SLC14A2: variants seen among roughly 807,000 people sequenced by gnomAD.
SLC14A2 encodes solute carrier family 14 member 2, also known as urea transporter 2.
SLC14A2 carries 91 observed loss-of-function variants against 104.6 expected under a neutral mutation model. The ratio of observed to expected loss-of-function variants is 0.87; its 90% CI spans 0.73 to 1.04. SLC14A2 has a LOEUF of 1.04. Ranked by LOEUF, SLC14A2 falls within the 50% of genes least tolerant of loss-of-function variation. The pLI is 0.00. For missense variants in SLC14A2, 1,189 were observed against 1,156.0 expected, an observed-to-expected ratio of 1.03 and a Z score of -0.41; for synonymous variants, 476 against 466.4, an observed-to-expected ratio of 1.02 and a Z score of -0.27.
intron 1 of SLC14A2, among the ~76,000 whole-genome samples, chr18:45,409,213 G>A (rs1452383857): frequency 6.6e-6 from 1 of 152,198 alleles, no homozygotes; most frequent in African/African-American, 2.4e-5. Flanking sequence ...TTCTTAAAAT[G>A]TAGACATAAT....
intron 1 of SLC14A2, among the ~76,000 whole-genome samples, chr18:45,246,211 A>G (rs978548972): frequency 2.0e-5 from 3 of 152,214 alleles, no homozygotes; most frequent in African/African-American, 7.2e-5. Context: ...ACGTGAGAAC[A>G]CAATGAGAAG....
At chr18:45,450,551 G>A (rs935782614) in intron 1 of SLC14A2, among the ~76,000 whole-genome samples, 19 of 152,170 alleles carry the variant, frequency 1.2e-4, no homozygotes, top group Non-Finnish European at 2.4e-4. Context: ...TTAGTGAACA[G>A]AACCAGATGA....
At chr18:45,628,152 G>A (rs1404418799) in intron 4 of SLC14A2, among the ~76,000 whole-genome samples, 1 of 152,096 alleles carries the variant, frequency 6.6e-6, no homozygotes, top group Non-Finnish European at 1.5e-5. Context: ...TGGTTGTTAA[G>A]AAATAGTTTC....
At chr18:45,210,541 T>A (rs1343914364), upstream of SLC14A2, among the ~76,000 whole-genome samples, 1 of 152,350 alleles carries the variant, frequency 6.6e-6, no homozygotes, top group East Asian at 1.9e-4. Context: ...ATTGCTCCAC[T>A]GCACTCTAAC....
At chr18:45,517,209 G>T (rs1054295177) in intron 2 of SLC14A2, among the ~76,000 whole-genome samples, 5 of 152,190 alleles carry the variant, frequency 3.3e-5, no homozygotes, top group Non-Finnish European at 7.3e-5. Flanking sequence ...ATCTGCCTCT[G>T]GTTAGCTTAG....
At chr18:45,189,956 C>G in the SLC14A2 span, among the ~76,000 whole-genome samples, 2 of 152,180 alleles carry the variant, frequency 1.3e-5, no homozygotes, top group South Asian at 4.2e-4. Flanking sequence ...ACCTCTTGGC[C>G]CCAGAAGATT....
the SLC14A2 span, among the ~76,000 whole-genome samples, chr18:45,194,363 T>C: frequency 6.6e-6 from 1 of 152,212 alleles, no homozygotes; most frequent in Non-Finnish European, 1.5e-5. Flanking sequence ...GTTCAGAAAG[T>C]CCTCTTCTAT....
At chr18:45,357,041 G>A (rs2085561327) in intron 1 of SLC14A2, among the ~76,000 whole-genome samples, 1 of 152,124 alleles carries the variant, frequency 6.6e-6, no homozygotes, top group Non-Finnish European at 1.5e-5. Flanking sequence ...TGTTTAATTA[G>A]GGTTATATAC....
In SLC14A2 at chr18:45,378,102, G is replaced by A. The variant is rs536759440; in HGVS notation, c.-124-105131G>A. Reference sequence around the variant, plus strand: ...TCTATCTCCTTGTTTCTCCCCTAAGGCACTTAGATACTTTACTTTGAATTT... The same window carrying A: ...TCTATCTCCTTGTTTCTCCCCTAAGACACTTAGATACTTTACTTTGAATTT... On this transcript the variant is annotated intron_variant, in intron 1 of 20. Transcript: ENST00000586448. Among the ~76,000 whole-genome samples, 10 of 152,206 alleles carry A rather than the reference G, an allele frequency of 6.6e-5. 1 individual carries two copies. In the South Asian group the frequency reaches 1.9e-3, roughly 28 times the overall value.
intron 1 of SLC14A2, among the ~76,000 whole-genome samples, chr18:45,417,726 G>A (rs1312052029): frequency 6.6e-6 from 1 of 152,092 alleles, no homozygotes; most frequent in African/African-American, 2.4e-5. Context: ...CATCGTTATT[G>A]TTGATAATAA....
At chr18:45,457,870 G>T (rs2086971918) in intron 1 of SLC14A2, among the ~76,000 whole-genome samples, 1 of 152,144 alleles carries the variant, frequency 6.6e-6, no homozygotes, top group South Asian at 2.1e-4. Context: ...TACCCCCGGG[G>T]CTGGGGCGGT....
chr18:45,275,434 C>T (rs527410811), intron 1 of SLC14A2, among the ~76,000 whole-genome samples: 2 of 152,292 alleles, frequency 1.3e-5, no homozygotes, highest in Admixed American at 1.3e-4. Context: ...CAGTGTTACT[C>T]ACCTTCCTCT....
intron 1 of SLC14A2, among the ~76,000 whole-genome samples, chr18:45,333,369 G>T (rs1215328925): frequency 6.6e-6 from 1 of 152,176 alleles, no homozygotes; most frequent in African/African-American, 2.4e-5. Context: ...TATTATACTA[G>T]AAAAGAGATA....
chr18:45,256,312 C>G (rs1275413734), intron 1 of SLC14A2, among the ~76,000 whole-genome samples: 1 of 152,188 alleles, frequency 6.6e-6, no homozygotes. Context: ...ACAGGGCCAG[C>G]CCAAAGCTAA....
intron 1 of SLC14A2, among the ~76,000 whole-genome samples, chr18:45,482,231 C>A (rs2087507848): frequency 6.6e-6 from 1 of 152,022 alleles, no homozygotes; most frequent in African/African-American, 2.4e-5. Flanking sequence ...TTTATAATAG[C>A]AAAACAAAAT....
rs558567609 is a variant in SLC14A2 at position 45,682,899 on chromosome 18, C to T, written c.*380C>T. ...CACGAGGTCAGGAGATCGAGACCAT[C>T]CTGGCGAACATGGTGAGACCCCATC... On this transcript the variant is annotated 3_prime_UTR_variant, in exon 20 of 20. Coordinates refer to ENST00000255226, the MANE Select transcript of SLC14A2 (RefSeq NM_007163.4). The T allele has an allele frequency of 9.8e-5, 22 of 224,062 alleles. No individual in the cohort carries two copies. The highest frequency in any genetic ancestry group is 4.7e-4 in the African/African-American group (21 of 44,698). 13.9% of individuals were successfully genotyped at this position (224,062 alleles called of 1,614,324 possible).
chr18:45,575,255 A>G (rs4890288), intron 2 of SLC14A2, among the ~76,000 whole-genome samples: 62,601 of 151,960 alleles, frequency 0.41, 13,444 homozygotes, highest in East Asian at 0.63. Flanking sequence ...GGATTTCACT[A>G]CCACAACCCA....
intron 1 of SLC14A2, among the ~76,000 whole-genome samples, chr18:45,279,155 G>A (rs1311990136): frequency 6.6e-5 from 10 of 152,190 alleles, no homozygotes. Context: ...TGTCCAGTGG[G>A]CCAGGTTCTA....
intron 1 of SLC14A2, among the ~76,000 whole-genome samples, chr18:45,470,876 G>A (rs898500219): frequency 1.1e-4 from 16 of 151,858 alleles, no homozygotes; most frequent in African/African-American, 3.4e-4. Context: ...TTGACCCTTG[G>A]CTACCTTCTC....
Sources: allele counts gnomAD v4.1 joint callset (sites outside exome capture counted in the v4.1 genomes callset), GRCh38; gene constraint gnomAD v4.1.1; transcripts MANE v1.5; gene names NCBI Gene and HGNC (gene_info 2026-07-23, HGNC 2026-07-21).